The following CGN variants were observed in gnomAD, a reference collection of about 807,000 sequenced individuals.
CGN encodes cingulin.
In CGN, 121 loss-of-function variants were observed where a neutral mutation model predicts 157.1. The ratio of observed to expected loss-of-function variants is 0.77; its 90% CI spans 0.66 to 0.90. CGN has a LOEUF of 0.90. Ranked by LOEUF, CGN falls within the 40% of genes least tolerant of loss-of-function variation. CGN has a pLI of 0.00. For missense variants in CGN, 1,424 were observed against 1,520.9 expected (o/e 0.94, Z 1.06); for synonymous variants, 535 against 607.5 (o/e 0.88, Z 1.76).
intron 4 of CGN, 22 bp from the exon 5 acceptor site, chr1:151,520,574 A>G (rs1200485467): frequency 6.2e-7 from 1 of 1,613,682 alleles, no homozygotes; most frequent in Non-Finnish European, 8.5e-7. Context: ...CCCTTCCCCC[A>G]CACCCCCCAT....
intron 14 of CGN, among the ~76,000 whole-genome samples, chr1:151,533,523 A>G (rs1645066216): frequency 7.1e-6 from 1 of 140,124 alleles, no homozygotes; most frequent in African/African-American, 2.7e-5. Flanking sequence ...GGGCAGGTGC[A>G]GTGGCTCTTG....
rs887832284 is a variant in CGN, at chr1:151,536,187, A to G, written c.3198-50A>G. On this transcript the variant is annotated intron_variant, in intron 18 of 20. Transcript: ENST00000271636. ...GGGGACAGTAGGGGGCCAAGTTAGG[A>G]TTCCCTTAGAAATGGGGACACTCAT... 5 of 1,193,546 alleles carry G rather than the reference A, an allele frequency of 4.2e-6. No homozygotes were observed. The African/African-American group carries it at 4.5e-5, about 11-fold the overall frequency. The allele number at this position is 1,193,546 out of a possible 1,614,324, so 73.9% of individuals were successfully genotyped here. A position where few individuals can be genotyped will look rare whatever the true frequency, so the allele number is the denominator to read the frequency against.
rs1664925981 is a variant in CGN at position 151,535,035 on chromosome 1, G to A, written c.2905-7G>A. 2 of 1,609,268 alleles carry A rather than the reference G, an allele frequency of 1.2e-6. No individual in the cohort carries two copies. Among genetic ancestry groups the A allele is most frequent in the Non-Finnish European group, 1.7e-6 (2 of 1,175,752 alleles). Reference sequence around the variant, plus strand: ...TTGGGACAGAATTACTTGTTCTTCTGTCCTAGGAAAAAGTCTCACGGCTGG... The same window carrying A: ...TTGGGACAGAATTACTTGTTCTTCTATCCTAGGAAAAAGTCTCACGGCTGG... On this transcript the variant is annotated splice_region_variant and splice_polypyrimidine_tract_variant and intron_variant, in intron 15 of 20. Transcript: ENST00000271636.
At position 151,537,618 on chromosome 1, in the gene CGN, G is replaced by T; in HGVS notation, c.*272G>T. ...CTCATCTCTCTTATAGTGGAAGGAT[G>T]GTCAGCATTAGGCTGATGGGGACTG... On this transcript the variant is annotated 3_prime_UTR_variant, in exon 21 of 21. Coordinates refer to ENST00000271636, the MANE Select transcript of CGN (RefSeq NM_020770.3). The T allele has an allele frequency of 2.7e-6, 1 of 370,812 alleles. No individual in the cohort carries two copies. Among genetic ancestry groups the T allele is most frequent in the South Asian group, 5.5e-5 (1 of 18,130 alleles). 23.0% of individuals were successfully genotyped at this position (370,812 alleles called of 1,614,324 possible).
chr1:151,523,612 T>A, intron 6 of CGN, 51 bp downstream of exon 6: 1 of 1,513,598 alleles, frequency 6.6e-7, no homozygotes, highest in Non-Finnish European at 8.8e-7. Context: ...CTAGGCCAGG[T>A]TTAGAGGCCA....
In CGN at chr1:151,536,277, C is replaced by A. The variant is rs1419731765; in HGVS notation, c.3238C>A (p.Arg1080=). ...VLQSTNRKLE[R]KVKELSIQIE... ...GCAGTCTACCAATCGAAAACTGGAG[C>A]GGAAAGTTAAAGAACTATCCATCCA... Residue 1080 remains arginine, a synonymous_variant, in exon 19 of 21, where the codon CGG becomes AGG. Coordinates refer to ENST00000271636, the MANE Select transcript of CGN (RefSeq NM_020770.3). The A allele has an allele frequency of 4.3e-6, 7 of 1,612,072 alleles. No homozygotes were observed. The African/African-American group carries it at 9.3e-5, about 22-fold the overall frequency.
Position 151,523,486 on chromosome 1 carries a change from A to G in CGN, c.1193A>G (p.Glu398Gly), listed in dbSNP as rs778222016. 1.2e-6 allele frequency: 2 copies of G among 1,613,644 alleles called. No homozygotes were observed. Among genetic ancestry groups the G allele is most frequent in the African/African-American group, 2.7e-5 (2 of 74,914 alleles). Residue 398 changes from glutamate to glycine, a missense_variant, in exon 6 of 21, where the codon GAG becomes GGG. Physicochemically the swap from Glu to Gly is moderately conservative, Grantham distance 98. Around this residue, in one of 3 missense-constraint regions of CGN, gnomAD observed 1,187 missense variants for 1,217.6 expected, o/e 0.97. Coordinates refer to ENST00000271636, the MANE Select transcript of CGN (RefSeq NM_020770.3). ...GTTGGGCTGGAGCGGCAGCTGGAGGAGAAAACAGAAGAGTGCAGCCGACTG... is the reference window on the plus strand; with the variant it reads ...GTTGGGCTGGAGCGGCAGCTGGAGGGGAAAACAGAAGAGTGCAGCCGACTG... ...SQVGLERQLE[E>G]KTEECSRLQE...
Position 151,516,128 on chromosome 1 carries a change from C to A in CGN, c.-14-2378C>A, listed in dbSNP as rs115211736. Among the ~76,000 whole-genome samples the A allele has an allele frequency of 2.4e-3, 361 of 152,328 alleles. 2 individuals are homozygous for A. Among genetic ancestry groups the A allele is most frequent in the African/African-American group, 8.2e-3 (342 of 41,568 alleles). On this transcript the variant is annotated intron_variant, in intron 1 of 20. Transcript: ENST00000271636. Reference sequence around the variant, plus strand: ...AGACCTTCCCCACCAAGCCCTTTGTCACCTGTAGCTCTGCCTCTCCCATCC... The same window carrying A: ...AGACCTTCCCCACCAAGCCCTTTGTAACCTGTAGCTCTGCCTCTCCCATCC...
At position 151,530,600 on chromosome 1, in the gene CGN, C is replaced by G; in HGVS notation, c.2425C>G (p.Leu809Val). 6.2e-7 allele frequency: 1 copy of G among 1,611,040 alleles called. No homozygotes were observed. The highest frequency in any genetic ancestry group is 1.1e-5 in the South Asian group (1 of 90,720). ...EARLEEAQRG[L>V]ARLGQEQQTL... ...ACGCCTAGAGGAGGCTCAGCGGGGG[C>G]TGGCCCGCCTGGGGCAGGAGCAGCA... Residue 809 changes from leucine to valine, a missense_variant, in exon 13 of 21, where the codon CTG becomes GTG. Coordinates refer to ENST00000271636, the MANE Select transcript of CGN (RefSeq NM_020770.3).
chr1:151,524,419 C>G lies in CGN; in HGVS notation c.1401+61C>G. The G allele has an allele frequency of 6.2e-7, 1 of 1,600,308 alleles. No individual in the cohort carries two copies. ...TTTCTCAGTTGGAGCATCCTCAAGT[C>G]TGCTCATCCATGGTTTCCCCAAAGT... is the stretch of plus-strand genomic sequence containing the variant. On this transcript the variant is annotated intron_variant, in intron 7 of 20. Transcript: ENST00000271636. The surrounding 1 kb of genome is among the most constrained non-coding windows in gnomAD (Gnocchi z 4.4).
chr1:151,519,128 G>A lies in CGN; in HGVS notation c.609G>A (p.Met203Ile). The stretch of plus-strand genomic sequence containing the variant: ...GTCGGACTGGCCGCCGAACACGGAT[G>A]CTACCCCCTGAACAGCGCAAACGGA... Reference protein sequence around the residue: ...ARGRTGRRTRMLPPEQRKRSK... With the variant: ...ARGRTGRRTRILPPEQRKRSK... Residue 203 changes from methionine (M) to isoleucine (I), a missense_variant, in exon 2 of 21, where the codon ATG (methionine) becomes ATA (isoleucine). Physicochemically the swap from Met to Ile is conservative, Grantham distance 10. Transcript: ENST00000271636. The A allele has an allele frequency of 6.2e-7, 1 of 1,614,042 alleles. No individual in the cohort carries two copies. Among genetic ancestry groups the A allele is most frequent in the East Asian group, 2.2e-5 (1 of 44,888 alleles).
intron 13 of CGN, among the ~76,000 whole-genome samples, chr1:151,530,959 G>A (rs1157354151): frequency 3.3e-5 from 5 of 152,038 alleles, no homozygotes; most frequent in Non-Finnish European, 7.4e-5. Flanking sequence ...GGCCAACATA[G>A]CAAAACTCTG....
chr1:151,535,283 G>A (rs1055117514), intron 16 of CGN, 152 bp downstream of exon 16: 2 of 676,806 alleles, frequency 3.0e-6, no homozygotes, highest in Admixed American at 5.4e-5. Flanking sequence ...CTTTGGGAAA[G>A]GTTGGCCAGT....
At chr1:151,535,958 C>A in intron 18 of CGN, 60 bp downstream of exon 18, 2 of 1,338,004 alleles carry the variant, frequency 1.5e-6, no homozygotes, top group Non-Finnish European at 2.1e-6. Flanking sequence ...TCCCTCTTGG[C>A]TTTTCTCCTC....
chr1:151,529,290 C>T (rs2102498265), intron 10 of CGN, 60 bp from the exon 11 acceptor site: 3 of 1,427,794 alleles, frequency 2.1e-6, no homozygotes, highest in African/African-American at 1.4e-5. Flanking sequence ...TCAGCTTCTC[C>T]ACATTCAGGT....
upstream of CGN, among the ~76,000 whole-genome samples, chr1:151,510,771 A>G (rs185609747): frequency 9.8e-5 from 15 of 152,292 alleles, no homozygotes; most frequent in East Asian, 2.9e-3. Context: ...GATGAAAATG[A>G]TTTTTAAAAT....
upstream of CGN, chr1:151,510,666 G>C (rs1260364236): frequency 6.6e-6 from 1 of 152,162 alleles, no homozygotes; most frequent in East Asian, 1.9e-4. Flanking sequence ...CATGTAGTAT[G>C]TACCAGTCCC....
At position 151,524,842 on chromosome 1, in the gene CGN, C is replaced by T. The variant is rs766856032; in HGVS notation, c.1570C>T (p.Arg524Ter). 11 of 1,612,140 alleles carry T rather than the reference C, an allele frequency of 6.8e-6. No individual in the cohort carries two copies. Among genetic ancestry groups the T allele is most frequent in the Admixed American group, 6.7e-5 (4 of 59,926 alleles). ...EVEHVRQQYQ[R>*]DTEQLRRSMQ... ...GGAACATGTCCGGCAGCAGTACCAG[C>T]GAGACACAGAGCAGCTCCGCAGGAG... Residue 524 changes from arginine to a stop codon, truncating the protein, a stop_gained, in exon 8 of 21, where the codon CGA becomes TGA. Coordinates refer to ENST00000271636, the MANE Select transcript of CGN (RefSeq NM_020770.3). LOFTEE classifies it high-confidence loss of function. The surrounding 1 kb of genome is among the most constrained non-coding windows in gnomAD (Gnocchi z 4.4).
chr1:151,522,140 T>A (rs1335871312), intron 5 of CGN, among the ~76,000 whole-genome samples: 1 of 152,042 alleles, frequency 6.6e-6, no homozygotes, highest in East Asian at 1.9e-4. Context: ...TGTGATGGCA[T>A]GTGCCTGTAG....
Sources: allele counts gnomAD v4.1 joint callset (sites outside exome capture counted in the v4.1 genomes callset), GRCh38; gene constraint gnomAD v4.1.1; regional missense constraint gnomAD v4.1.1; non-coding constraint Gnocchi (gnomAD v3.1); transcripts MANE v1.5; gene names NCBI Gene and HGNC (gene_info 2026-07-23, HGNC 2026-07-21).